PPHLN1: variants seen among roughly 807,000 people sequenced by gnomAD.
PPHLN1 encodes the protein periphilin-1.
In PPHLN1, 29 loss-of-function variants were observed where a neutral mutation model predicts 51.3. The observed-to-expected ratio is 0.57, with a 90% CI of 0.42 to 0.77. The LOEUF is 0.77. PPHLN1 is among the 30% of genes least tolerant of loss of function. The pLI is 0.00. For synonymous variants in PPHLN1, 147 were observed against 147.8 expected (o/e 0.99, Z 0.04); for missense variants, 436 against 438.4 (o/e 0.99, Z 0.05).
At chr12:42,334,388 G>A (rs571166496) in intron 1 of PPHLN1, among the ~76,000 whole-genome samples, 38 of 152,218 alleles carry the variant, frequency 2.5e-4, no homozygotes, top group African/African-American at 8.7e-4. Flanking sequence ...GGGTCTGTTT[G>A]TATTAGAAAA....
rs373310571 is a variant in PPHLN1, at chr12:42,401,841, TTTG to T, written c.909+2856_909+2858del. Among the ~76,000 whole-genome samples the T allele has an allele frequency of 5.1e-3, 780 of 152,102 alleles. 8 individuals carry two copies. Among genetic ancestry groups the T allele is most frequent in the African/African-American group, 0.018 (738 of 41,502 alleles). ...GGGAAGGTACCATTTTGAGGTGTTT[TTTG>T]TTGTTGTTTGTTTATTTGTTTGTTT... On this transcript the variant is annotated intron_variant, in intron 9 of 9. Coordinates refer to ENST00000358314, the MANE Select transcript of PPHLN1 (RefSeq NM_201439.2).
intron 4 of PPHLN1, among the ~76,000 whole-genome samples, chr12:42,367,577 AACTTT>A (rs1276532448): frequency 6.6e-6 from 1 of 152,166 alleles, no homozygotes; most frequent in Non-Finnish European, 1.5e-5. Flanking sequence ...AACTTATTTT[AACTTT>A]GTTATCTTAA....
intron 5 of PPHLN1, among the ~76,000 whole-genome samples, chr12:42,376,922 A>G (rs2076316178): frequency 1.3e-5 from 2 of 152,052 alleles, no homozygotes; most frequent in Non-Finnish European, 1.5e-5. Flanking sequence ...GTATACAAGT[A>G]TTTTTTCTTT....
At chr12:42,353,502 A>G (rs2073663446) in intron 3 of PPHLN1, among the ~76,000 whole-genome samples, 1 of 152,234 alleles carries the variant, frequency 6.6e-6, no homozygotes, top group Admixed American at 6.5e-5. Context: ...CAAAGTTGTA[A>G]TGAGACTATT....
chr12:42,386,796 T>A (rs1378381690), intron 6 of PPHLN1, among the ~76,000 whole-genome samples: 1 of 152,218 alleles, frequency 6.6e-6, no homozygotes, highest in Admixed American at 6.5e-5. Context: ...ATTGTTTAAA[T>A]GTATTTTCTG....
downstream of PPHLN1, chr12:42,445,789 A>C (rs2083282682): frequency 6.3e-6 from 4 of 639,194 alleles, no homozygotes; most frequent in Non-Finnish European, 7.7e-6. Context: ...CACAAGCCTT[A>C]CTTACCCTTA....
intron 5 of PPHLN1, among the ~76,000 whole-genome samples, chr12:42,378,474 A>G (rs1383406365): frequency 6.6e-6 from 1 of 152,118 alleles, no homozygotes; most frequent in East Asian, 1.9e-4. Context: ...CAGTCACTTA[A>G]GCTGGGATAA....
At chr12:42,336,682 G>T (rs1361625121) in intron 2 of PPHLN1, among the ~76,000 whole-genome samples, 2 of 152,180 alleles carry the variant, frequency 1.3e-5, no homozygotes, top group Non-Finnish European at 2.9e-5. Context: ...ATATTTATTT[G>T]AGTGAATATG....
chr12:42,384,652 G>C (rs1247153997), intron 5 of PPHLN1, among the ~76,000 whole-genome samples: 1 of 152,154 alleles, frequency 6.6e-6, no homozygotes, highest in South Asian at 2.1e-4. Flanking sequence ...GTCTTTCTAT[G>C]AACCTTTTCT....
At chr12:42,393,823 C>A in intron 8 of PPHLN1, 134 bp downstream of exon 8, 2 of 838,984 alleles carry the variant, frequency 2.4e-6, no homozygotes, top group African/African-American at 1.7e-5. Flanking sequence ...AAAATTACCA[C>A]ACAGAATGAT....
intron 9 of PPHLN1, chr12:42,431,555 A>G: frequency 1.7e-6 from 1 of 590,528 alleles, no homozygotes; most frequent in African/African-American, 1.9e-5. Flanking sequence ...AAATGGTAGA[A>G]CTGAAAGTGC....
intron 4 of PPHLN1, among the ~76,000 whole-genome samples, chr12:42,366,168 A>C (rs766659059): frequency 2.0e-5 from 3 of 152,154 alleles, no homozygotes; most frequent in Non-Finnish European, 2.9e-5. Context: ...TTGCACAAAG[A>C]AAATTATACT....
chr12:42,358,444 G>A (rs1363672265), intron 4 of PPHLN1, among the ~76,000 whole-genome samples: 5 of 152,162 alleles, frequency 3.3e-5, no homozygotes, highest in Non-Finnish European at 5.9e-5. Context: ...AGGCTTGAAT[G>A]CAATGGTGTG....
chr12:42,412,562 CTT>C (rs2079969340), intron 9 of PPHLN1, among the ~76,000 whole-genome samples: 1 of 151,908 alleles, frequency 6.6e-6, no homozygotes, highest in South Asian at 2.1e-4. Context: ...ATGCAGGTGT[CTT>C]TTTAATTTTT....
At chr12:42,349,967 T>C (rs906433952) in intron 2 of PPHLN1, among the ~76,000 whole-genome samples, 3 of 151,842 alleles carry the variant, frequency 2.0e-5, no homozygotes, top group Non-Finnish European at 4.4e-5. Context: ...GCTCCTCACT[T>C]CCCAGACGTG....
At chr12:42,419,385 G>T (rs1313436925) in intron 9 of PPHLN1, among the ~76,000 whole-genome samples, 2 of 92,232 alleles carry the variant, frequency 2.2e-5, no homozygotes, top group African/African-American at 7.7e-5. Flanking sequence ...GGGATTACAG[G>T]CACCCACCAC....
At chr12:42,446,957 C>A (rs2083352394), downstream of PPHLN1, 6 of 255,410 alleles carry the variant, frequency 2.3e-5, no homozygotes, top group South Asian at 8.4e-4. Context: ...ATGTTCATTA[C>A]TCACAAATTG....
chr12:42,409,664 CT>C (rs905842680), intron 9 of PPHLN1, among the ~76,000 whole-genome samples: 9 of 150,700 alleles, frequency 6.0e-5, no homozygotes, highest in African/African-American at 2.0e-4. Flanking sequence ...CCATTGAAAA[CT>C]TTCCTCCCAT....
intron 2 of PPHLN1, among the ~76,000 whole-genome samples, chr12:42,338,832 A>G (rs1285967689): frequency 6.6e-6 from 1 of 152,228 alleles, no homozygotes; most frequent in East Asian, 1.9e-4. Flanking sequence ...TGTGGACCTC[A>G]GTATTGTTTA....
Sources: allele counts gnomAD v4.1 joint callset (sites outside exome capture counted in the v4.1 genomes callset), GRCh38; gene constraint gnomAD v4.1.1; transcripts MANE v1.5; gene names NCBI Gene and HGNC (gene_info 2026-07-23, HGNC 2026-07-21).